The following PTPRG variants were observed in gnomAD, a reference collection of about 807,000 sequenced individuals.
PTPRG encodes the protein protein tyrosine phosphatase receptor type G.
PTPRG carries 102 observed loss-of-function variants against 165.3 expected under a neutral mutation model. That is an observed-to-expected ratio of 0.62 (90% confidence interval 0.53 to 0.73). The LOEUF (loss-of-function observed/expected upper bound fraction) is 0.73, where lower values mean the gene tolerates loss of function less well. Among genes scored for constraint, PTPRG ranks in the 30% least tolerant of loss-of-function variants. The pLI, the probability that PTPRG is intolerant of heterozygous loss-of-function variation, is 0.00. For missense variants in PTPRG, 1,866 were observed against 1,861.4 expected (o/e 1.00, Z -0.05); for synonymous variants, 675 against 669.5 (o/e 1.01, Z -0.13).
chr3:61,780,072 G>A (rs1163265328), intron 2 of PTPRG, among the ~76,000 whole-genome samples: 2 of 152,180 alleles, frequency 1.3e-5, no homozygotes, highest in Admixed American at 6.5e-5. Context: ...CTTAAGAAAA[G>A]TTGATGTAAG....
chr3:61,585,295 A>G (rs554302874), intron 1 of PTPRG, among the ~76,000 whole-genome samples: 4,153 of 151,048 alleles, frequency 0.027, 203 homozygotes, highest in African/African-American at 0.095. Flanking sequence ...AAAAAAAAAA[A>G]AAAGAAAAAG....
chr3:62,281,776 ATGAAAT>A (rs1358896451), intron 27 of PTPRG, 67 bp downstream of exon 27: 2 of 1,419,896 alleles, frequency 1.4e-6, no homozygotes, highest in Non-Finnish European at 9.4e-7. Context: ...CTAAGTAATA[ATGAAAT>A]AATTTACCAC....
At chr3:61,744,685 T>C (rs1559587361) in intron 1 of PTPRG, among the ~76,000 whole-genome samples, 1 of 152,152 alleles carries the variant, frequency 6.6e-6, no homozygotes, top group Non-Finnish European at 1.5e-5. Context: ...CTGACAGAGA[T>C]GGAACAAAAG....
intron 1 of PTPRG, among the ~76,000 whole-genome samples, chr3:61,605,967 A>T (rs566984788): frequency 3.9e-5 from 6 of 152,264 alleles, no homozygotes; most frequent in African/African-American, 1.2e-4. Context: ...ATGAGGTCCC[A>T]CCTCTGTCTT....
At chr3:61,966,758 A>G (rs1038123544) in intron 2 of PTPRG, among the ~76,000 whole-genome samples, 1 of 152,198 alleles carries the variant, frequency 6.6e-6, no homozygotes, top group African/African-American at 2.4e-5. Context: ...TCTATATAAG[A>G]TTCTGCCACT....
At chr3:61,928,826 T>A (rs976503545) in intron 2 of PTPRG, among the ~76,000 whole-genome samples, 9 of 152,204 alleles carry the variant, frequency 5.9e-5, no homozygotes, top group Non-Finnish European at 1.3e-4. Context: ...AGTCTATAGA[T>A]GTAATAAAAT....
At chr3:61,607,358 G>A (rs1375193467) in intron 1 of PTPRG, among the ~76,000 whole-genome samples, 1 of 152,140 alleles carries the variant, frequency 6.6e-6, no homozygotes, top group Non-Finnish European at 1.5e-5. Context: ...CCGAGAAAAT[G>A]CCATATGAAT....
chr3:62,193,511 A>C (rs1186589904), intron 9 of PTPRG, among the ~76,000 whole-genome samples: 2 of 152,204 alleles, frequency 1.3e-5, no homozygotes, highest in South Asian at 2.1e-4. Flanking sequence ...CAACAGAGCT[A>C]TTCTCTAACT....
chr3:61,883,281 CTTA>C (rs1377954349), intron 2 of PTPRG, among the ~76,000 whole-genome samples: 1 of 152,184 alleles, frequency 6.6e-6, no homozygotes, highest in African/African-American at 2.4e-5. Context: ...CACTTATGGT[CTTA>C]TTAATACATC....
chr3:61,993,908 C>T (rs989272867), intron 3 of PTPRG, among the ~76,000 whole-genome samples: 2 of 152,012 alleles, frequency 1.3e-5, no homozygotes, highest in Non-Finnish European at 2.9e-5. Context: ...GTAACTCTCC[C>T]ATAAAACAGC....
intron 2 of PTPRG, among the ~76,000 whole-genome samples, chr3:61,752,230 G>A (rs2033461599): frequency 6.6e-6 from 1 of 152,108 alleles, no homozygotes; most frequent in African/African-American, 2.4e-5. Flanking sequence ...TGGGCATGAG[G>A]GTTAAGCAGA....
intron 1 of PTPRG, among the ~76,000 whole-genome samples, chr3:61,632,929 T>G (rs1435383246): frequency 1.3e-5 from 2 of 152,204 alleles, no homozygotes; most frequent in Non-Finnish European, 2.9e-5. Context: ...CCTTCTTGCT[T>G]ACCTTGCATG....
intron 17 of PTPRG, chr3:62,263,789 G>C (rs906096181): frequency 6.6e-6 from 1 of 152,252 alleles, no homozygotes; most frequent in African/African-American, 2.4e-5. Flanking sequence ...GAGGCAGGTG[G>C]ATCACTTGAG....
At chr3:61,710,441 C>G (rs4688659) in intron 1 of PTPRG, among the ~76,000 whole-genome samples, 1 of 151,898 alleles carries the variant, frequency 6.6e-6, no homozygotes, top group Non-Finnish European at 1.5e-5. Context: ...AGTAAGTAAA[C>G]GAAGGCTTAG....
rs1559681484 is a variant in PTPRG, at chr3:62,229,678, T to TC, written c.2289-1541dup. Among the ~76,000 whole-genome samples the TC allele has an allele frequency of 6.6e-6, 1 of 152,178 alleles. No individual in the cohort carries two copies. ...GGATTTCTCAGAATTAACTGTCTTC[T>TC]CCCCCCGGGGTTAATTATGTCTGTT... On this transcript the variant is annotated intron_variant, in intron 13 of 29. Coordinates refer to ENST00000474889, the MANE Select transcript of PTPRG (RefSeq NM_002841.4). This position sits in a 1 kb window ranked among gnomAD's most constrained non-coding sequence, Gnocchi z 4.6.
chr3:62,005,495 T>C (rs1161757053), intron 4 of PTPRG, among the ~76,000 whole-genome samples: 1 of 152,106 alleles, frequency 6.6e-6, no homozygotes, highest in East Asian at 1.9e-4. Flanking sequence ...CGTTTGTTCA[T>C]TTAATGTCGT....
At chr3:61,600,170 AAAAAT>A (rs1156321648) in intron 1 of PTPRG, among the ~76,000 whole-genome samples, 25 of 112,736 alleles carry the variant, frequency 2.2e-4, no homozygotes, top group Admixed American at 1.1e-3. Flanking sequence ...AAAAAAAAAA[AAAAAT>A]ATATATATAT....
chr3:62,230,520 A>G (rs988796608), intron 13 of PTPRG, among the ~76,000 whole-genome samples: 2 of 152,262 alleles, frequency 1.3e-5, no homozygotes, highest in East Asian at 3.9e-4. Flanking sequence ...ATATAATTAA[A>G]TAAATACTTT....
chr3:61,833,079 G>GTGTGTC (rs1195888459), intron 2 of PTPRG, among the ~76,000 whole-genome samples: 2 of 151,896 alleles, frequency 1.3e-5, no homozygotes, highest in South Asian at 2.1e-4. Context: ...GTGTGTGTGT[G>GTGTGTC]TGTGTGTGTG....
Sources: gnomAD v4.1 joint callset for allele counts (sites outside exome capture counted in the v4.1 genomes callset) on GRCh38, gnomAD v4.1.1 for gene constraint, Gnocchi (gnomAD v3.1) non-coding constraint, MANE v1.5 for transcripts, NCBI Gene and HGNC (gene_info 2026-07-23, HGNC 2026-07-21) for gene names.